FRYL: variants seen among roughly 807,000 people sequenced by gnomAD.
FRYL encodes protein furry homolog-like.
FRYL carries 150 observed loss-of-function variants against 351.2 expected under a neutral mutation model. The ratio of observed to expected loss-of-function variants is 0.43; its 90% CI spans 0.37 to 0.49. The LOEUF is 0.49. Among genes scored for constraint, FRYL ranks in the 20% least tolerant of loss-of-function variants. The probability of loss-of-function intolerance (pLI) is 0.00; values close to 1 mark genes in which losing one functional copy is unlikely to be tolerated. For missense variants in FRYL, 3,036 were observed against 3,619.3 expected (o/e 0.84, Z 4.13); for synonymous variants, 1,153 against 1,257.1 (o/e 0.92, Z 1.75).
At chr4:48,583,317 A>T (rs890712143) in intron 19 of FRYL, among the ~76,000 whole-genome samples, 1 of 152,028 alleles carries the variant, frequency 6.6e-6, no homozygotes, top group Admixed American at 6.5e-5. Flanking sequence ...ACACCCAGCT[A>T]ATTTTTTGTA....
At chr4:48,581,234 C>A (rs1740833471) in intron 21 of FRYL, among the ~76,000 whole-genome samples, 186 bp downstream of exon 21, 2 of 151,756 alleles carry the variant, frequency 1.3e-5, no homozygotes, top group Admixed American at 1.3e-4. Context: ...TTAGTAGAGA[C>A]CACCGTGTTA....
intron 3 of FRYL, among the ~76,000 whole-genome samples, chr4:48,658,153 C>T (rs1759644270): frequency 2.7e-4 from 1 of 3,642 alleles, no homozygotes; most frequent in Non-Finnish European, 5.6e-3. Flanking sequence ...TCGGATTTAA[C>T]TAGAAATATG....
At chr4:48,718,891 C>T (rs867076292) in intron 1 of FRYL, among the ~76,000 whole-genome samples, 6 of 151,428 alleles carry the variant, frequency 4.0e-5, no homozygotes, top group Admixed American at 1.3e-4. Flanking sequence ...CCATAGACTC[C>T]TCCCTTCCAC....
intron 3 of FRYL, among the ~76,000 whole-genome samples, chr4:48,682,258 T>A (rs748601020): frequency 6.6e-6 from 1 of 152,030 alleles, no homozygotes; most frequent in Non-Finnish European, 1.5e-5. Context: ...AAAAAATGGT[T>A]GAAAAAATTA....
chr4:48,745,956 G>C (rs1405744120), intron 1 of FRYL, among the ~76,000 whole-genome samples: 2 of 152,076 alleles, frequency 1.3e-5, no homozygotes, highest in African/African-American at 4.8e-5. Context: ...CAGTATCTTA[G>C]AGTAAATAAA....
intron 4 of FRYL, among the ~76,000 whole-genome samples, chr4:48,632,091 A>AATATAT (rs1560753223): frequency 2.1e-3 from 49 of 23,364 alleles, no homozygotes; most frequent in African/African-American, 4.0e-3. Context: ...AAAAAAAAAA[A>AATATAT]ATATATATAT....
chr4:48,705,232 T>C (rs1767194168), intron 2 of FRYL, among the ~76,000 whole-genome samples: 2 of 151,788 alleles, frequency 1.3e-5, no homozygotes, highest in Admixed American at 1.3e-4. Flanking sequence ...ATCCGCAAGG[T>C]TATGCATTTA....
intron 35 of FRYL, among the ~76,000 whole-genome samples, chr4:48,555,730 C>A (rs1245167953): frequency 6.6e-6 from 1 of 152,122 alleles, no homozygotes; most frequent in Non-Finnish European, 1.5e-5. Flanking sequence ...TTGTCTTGTA[C>A]CATACACCTA....
intron 3 of FRYL, chr4:48,681,199 T>C (rs772915284): frequency 1.7e-6 from 1 of 583,320 alleles, no homozygotes; most frequent in Non-Finnish European, 2.3e-6. Flanking sequence ...TGATGAGAAG[T>C]TCAGGTACAC....
chr4:48,699,465 A>T (rs1478090348), intron 2 of FRYL, among the ~76,000 whole-genome samples: 2 of 152,252 alleles, frequency 1.3e-5, no homozygotes, highest in African/African-American at 4.8e-5. Context: ...ATCTGTTAAT[A>T]TCTTACTATT....
intron 1 of FRYL, among the ~76,000 whole-genome samples, chr4:48,774,169 C>G (rs1459625364): frequency 1.3e-5 from 2 of 151,982 alleles, no homozygotes; most frequent in Non-Finnish European, 2.9e-5. Context: ...TGAAAAAGTT[C>G]TAAAATTAAT....
At position 48,516,845 on chromosome 4, in the gene FRYL, T is replaced by C. The variant is rs114092899; in HGVS notation, c.7690-1570A>G. On this transcript the variant is annotated intron_variant, in intron 55 of 63. Coordinates refer to ENST00000358350, the MANE Select transcript of FRYL (RefSeq NM_015030.2). The stretch of plus-strand genomic sequence containing the variant: ...CAACATACAAATGGGTGCTGGTAAC[T>C]CAATGATGGGAAAGCTCTCAATCTA... Among the ~76,000 whole-genome samples, 360 of 152,288 alleles carry C rather than the reference T, an allele frequency of 2.4e-3. 1 individual carries two copies. Among genetic ancestry groups the C allele is most frequent in the Non-Finnish European group, 3.9e-3 (266 of 68,016 alleles).
intron 16 of FRYL, among the ~76,000 whole-genome samples, chr4:48,593,500 A>C (rs1388680464): frequency 6.6e-6 from 1 of 151,038 alleles, no homozygotes; most frequent in African/African-American, 2.4e-5. Context: ...ATGTGCCACC[A>C]CTCCCGGCTA....
chr4:48,532,910 T>C (rs1194971484), intron 49 of FRYL, among the ~76,000 whole-genome samples: 6 of 152,182 alleles, frequency 3.9e-5, no homozygotes, highest in Middle Eastern at 3.2e-3. Flanking sequence ...CAGCTAAATA[T>C]GATCTTGATT....
intron 7 of FRYL, 165 bp downstream of exon 7, chr4:48,619,109 C>T: frequency 1.8e-6 from 1 of 566,176 alleles, no homozygotes; most frequent in East Asian, 2.9e-5. Context: ...CAGATAGGTA[C>T]AGGGCAGGAA....
chr4:48,743,843 T>C (rs777880693), intron 1 of FRYL, among the ~76,000 whole-genome samples: 1 of 152,230 alleles, frequency 6.6e-6, no homozygotes, highest in Non-Finnish European at 1.5e-5. Context: ...AACTCTTCCC[T>C]GGGTCTCCAG....
chr4:48,727,567 G>A (rs913513594), intron 1 of FRYL: 2 of 152,182 alleles, frequency 1.3e-5, no homozygotes, highest in African/African-American at 2.4e-5. Flanking sequence ...CCAGTCAGAA[G>A]GGGCCTATCG....
At chr4:48,541,806 A>G (rs1183964853) in intron 45 of FRYL, among the ~76,000 whole-genome samples, 1 of 152,210 alleles carries the variant, frequency 6.6e-6, no homozygotes, top group Non-Finnish European at 1.5e-5. Context: ...TGCATTAGAA[A>G]GATCTCTAAC....
chr4:48,674,681 G>C (rs1763266852), intron 3 of FRYL, among the ~76,000 whole-genome samples: 1 of 118,590 alleles, frequency 8.4e-6, no homozygotes, highest in South Asian at 2.9e-4. Context: ...AGCTTGCAGT[G>C]AGCCAAGATC....
Sources: allele counts gnomAD v4.1 joint callset (sites outside exome capture counted in the v4.1 genomes callset), GRCh38; gene constraint gnomAD v4.1.1; transcripts MANE v1.5; gene names NCBI Gene and HGNC (gene_info 2026-07-23, HGNC 2026-07-21).